Variants in IRAK2 observed in about 807,000 individuals in gnomAD.
IRAK2 encodes interleukin-1 receptor-associated kinase-like 2.
In IRAK2, 57 loss-of-function variants were observed where a neutral mutation model predicts 72.0. The ratio of observed to expected loss-of-function variants is 0.79; its 90% CI spans 0.64 to 0.99. The LOEUF (loss-of-function observed/expected upper bound fraction) is 0.99, where lower values mean the gene tolerates loss of function less well. Ranked by LOEUF, IRAK2 falls within the 50% of genes least tolerant of loss-of-function variation. The pLI, the probability that IRAK2 is intolerant of heterozygous loss-of-function variation, is 0.00. For synonymous variants in IRAK2, 293 were observed against 312.7 expected, an observed-to-expected ratio of 0.94 and a Z score of 0.67; for missense variants, 790 against 794.4, an observed-to-expected ratio of 0.99 and a Z score of 0.07.
chr3:10,173,526 A>T (rs755051183), intron 1 of IRAK2, among the ~76,000 whole-genome samples: 4 of 152,156 alleles, frequency 2.6e-5, no homozygotes, highest in Non-Finnish European at 4.4e-5. Context: ...CCCGACTCTA[A>T]AGGGTCTGGT....
chr3:10,205,716 G>A (rs1575972703), intron 3 of IRAK2, among the ~76,000 whole-genome samples: 1 of 152,232 alleles, frequency 6.6e-6, no homozygotes, highest in African/African-American at 2.4e-5. Context: ...TAGATCATGT[G>A]TAGAAGAACT....
At chr3:10,186,042 C>T (rs1559441719) in intron 2 of IRAK2, among the ~76,000 whole-genome samples, 1 of 151,404 alleles carries the variant, frequency 6.6e-6, no homozygotes, top group Admixed American at 6.6e-5. Context: ...TGCACTTCAG[C>T]CTGGGTGACA....
At chr3:10,176,535 T>TG (rs1466862190) in intron 1 of IRAK2, among the ~76,000 whole-genome samples, 1 of 152,110 alleles carries the variant, frequency 6.6e-6, no homozygotes, top group Non-Finnish European at 1.5e-5. Flanking sequence ...TGGAGTGCAG[T>TG]GGCGCGATCT....
chr3:10,234,934 C>T (rs928416661), intron 11 of IRAK2, among the ~76,000 whole-genome samples: 3 of 152,360 alleles, frequency 2.0e-5, no homozygotes, highest in African/African-American at 7.2e-5. Context: ...ATTCCCCCTT[C>T]TCTATAGGCC....
intron 10 of IRAK2, among the ~76,000 whole-genome samples, chr3:10,231,754 A>G (rs1019421639): frequency 7.2e-5 from 11 of 152,186 alleles, no homozygotes; most frequent in African/African-American, 2.7e-4. Context: ...GGGCTTAAGC[A>G]TTCGCCTGCC....
intron 3 of IRAK2, among the ~76,000 whole-genome samples, chr3:10,206,961 C>T (rs984666122): frequency 6.6e-6 from 1 of 152,052 alleles, no homozygotes; most frequent in African/African-American, 2.4e-5. Context: ...TCAAGCAATT[C>T]TCCTGCCTTA....
intron 1 of IRAK2, among the ~76,000 whole-genome samples, chr3:10,165,614 GCCTC>G (rs1207396248): frequency 4.6e-5 from 7 of 151,944 alleles, no homozygotes; most frequent in Non-Finnish European, 1.0e-4. Flanking sequence ...TCCTGCCTCG[GCCTC>G]CCGAGTAGCT....
intron 1 of IRAK2, among the ~76,000 whole-genome samples, chr3:10,170,635 C>A (rs1369034763): frequency 6.6e-6 from 1 of 152,202 alleles, no homozygotes; most frequent in African/African-American, 2.4e-5. Context: ...CGGGCAGGGG[C>A]CTTACCTGTC....
intron 1 of IRAK2, among the ~76,000 whole-genome samples, chr3:10,167,665 T>G (rs1325226310): frequency 6.6e-6 from 1 of 152,204 alleles, no homozygotes; most frequent in East Asian, 1.9e-4. Flanking sequence ...TCCACCTACC[T>G]CGGCTTCCCA....
intron 7 of IRAK2, among the ~76,000 whole-genome samples, chr3:10,219,157 A>T (rs1470658017): frequency 6.6e-6 from 1 of 152,048 alleles, no homozygotes; most frequent in Non-Finnish European, 1.5e-5. Context: ...ATGATGCTGC[A>T]CTCCAGTCTG....
At chr3:10,233,910 G>A (rs549834437) in intron 10 of IRAK2, among the ~76,000 whole-genome samples, 5 of 152,122 alleles carry the variant, frequency 3.3e-5, no homozygotes, top group African/African-American at 1.2e-4. Context: ...GTGCAGTGGC[G>A]TGATCTCAGC....
intron 4 of IRAK2, among the ~76,000 whole-genome samples, chr3:10,211,920 A>G (rs927691747): frequency 5.9e-5 from 9 of 152,072 alleles, no homozygotes; most frequent in Non-Finnish European, 1.3e-4. Context: ...TACTAAAAAA[A>G]TTACAAAAAA....
At chr3:10,193,711 G>C (rs1697219175) in intron 2 of IRAK2, among the ~76,000 whole-genome samples, 1 of 152,242 alleles carries the variant, frequency 6.6e-6, no homozygotes, top group South Asian at 2.1e-4. Context: ...TAGATTAGCT[G>C]TTCCTTCCGT....
chr3:10,223,165 T>C (rs1035799448), intron 9 of IRAK2, among the ~76,000 whole-genome samples: 6 of 152,122 alleles, frequency 3.9e-5, no homozygotes, highest in Non-Finnish European at 8.8e-5. Context: ...CACTCATGAG[T>C]GTCCAGGTTC....
In IRAK2 at chr3:10,242,148, G is replaced by A; in HGVS notation, c.1798G>A (p.Glu600Lys). Residue 600 changes from glutamate to lysine, a missense_variant, in exon 13 of 13, where the codon GAG becomes AAG. Glu to Lys is a moderately conservative substitution (Grantham distance 56). Coordinates refer to ENST00000256458, the MANE Select transcript of IRAK2 (RefSeq NM_001570.4). Reference protein sequence around the residue: ...TETSWQIEINEAKRKLMENIL... With the variant: ...TETSWQIEINKAKRKLMENIL... Reference sequence around the variant, plus strand: ...AACTTCGTGGCAAATTGAGATCAATGAGGCCAAAAGGAAACTGATGGAGAA... The same window carrying A: ...AACTTCGTGGCAAATTGAGATCAATAAGGCCAAAAGGAAACTGATGGAGAA... The A allele has an allele frequency of 6.2e-7, 1 of 1,612,946 alleles. No individual in the cohort carries two copies. The highest frequency in any genetic ancestry group is 8.5e-7 in the Non-Finnish European group (1 of 1,179,302).
At chr3:10,187,483 C>T (rs1697095381) in intron 2 of IRAK2, among the ~76,000 whole-genome samples, 1 of 152,178 alleles carries the variant, frequency 6.6e-6, no homozygotes, top group African/African-American at 2.4e-5. Context: ...ATGCACAGGG[C>T]ATCTGCAGTA....
Position 10,177,823 on chromosome 3 carries a change from C to G in IRAK2, c.95-15C>G. ...CCTCTCTGACTCTAAGCAGAGTTCTCTCCGTCCCTTCCAGCCTCCTACGTG... is the reference window on the plus strand; with the variant it reads ...CCTCTCTGACTCTAAGCAGAGTTCTGTCCGTCCCTTCCAGCCTCCTACGTG... On this transcript the variant is annotated splice_polypyrimidine_tract_variant and intron_variant, in intron 1 of 12. Transcript: ENST00000256458. 1 of 1,609,660 alleles carries G rather than the reference C, an allele frequency of 6.2e-7. No individual in the cohort carries two copies. Among genetic ancestry groups the G allele is most frequent in the South Asian group, 1.1e-5 (1 of 91,088 alleles).
chr3:10,191,875 AC>A (rs1697180759), intron 2 of IRAK2, among the ~76,000 whole-genome samples: 1 of 152,062 alleles, frequency 6.6e-6, no homozygotes, highest in African/African-American at 2.4e-5. Context: ...ATTCCCTAAC[AC>A]AAAATGAATG....
intron 2 of IRAK2, among the ~76,000 whole-genome samples, chr3:10,198,361 C>A (rs1413060056): frequency 1.3e-5 from 2 of 152,222 alleles, no homozygotes; most frequent in Admixed American, 6.5e-5. Flanking sequence ...CTGGGGAAGT[C>A]AGTGATCACC....
Sources: allele counts gnomAD v4.1 joint callset (sites outside exome capture counted in the v4.1 genomes callset), GRCh38; gene constraint gnomAD v4.1.1; transcripts MANE v1.5; gene names NCBI Gene and HGNC (gene_info 2026-07-23, HGNC 2026-07-21).